The following FBXW8 variants were observed in gnomAD, a reference collection of about 807,000 sequenced individuals.
FBXW8 encodes F-box/WD repeat-containing protein 8.
FBXW8 carries 57 observed loss-of-function variants against 65.3 expected under a neutral mutation model. The observed-to-expected ratio is 0.87, with a 90% CI of 0.71 to 1.09. The LOEUF (loss-of-function observed/expected upper bound fraction) is 1.09, where lower values mean the gene tolerates loss of function less well. FBXW8 is among the 50% of genes least tolerant of loss of function. The probability of loss-of-function intolerance (pLI) is 0.00; values close to 1 mark genes in which losing one functional copy is unlikely to be tolerated. For synonymous variants in FBXW8, 308 were observed against 330.2 expected (o/e 0.93, Z 0.73); for missense variants, 777 against 814.8 (o/e 0.95, Z 0.57).
chr12:116,919,312 G>A (rs977168803), intron 1 of FBXW8, among the ~76,000 whole-genome samples: 2 of 152,146 alleles, frequency 1.3e-5, no homozygotes, highest in African/African-American at 2.4e-5. Flanking sequence ...TTGGCTATGG[G>A]GCTGGGCTCT....
intron 8 of FBXW8, among the ~76,000 whole-genome samples, chr12:117,021,054 G>A (rs7308734): frequency 0.33 from 49,782 of 151,966 alleles, 12,823 homozygotes; most frequent in African/African-American, 0.72. Flanking sequence ...TCACTCCCCA[G>A]AGAAGGATTT....
Position 116,912,157 on chromosome 12 carries a change from C to CT in FBXW8, c.318+812dup, listed in dbSNP as rs1169171773. On this transcript the variant is annotated intron_variant, in intron 1 of 10. Coordinates refer to ENST00000652555, the MANE Select transcript of FBXW8 (RefSeq NM_153348.3). ...CTACAGCTTTACAATTGGGAACCCA[C>CT]TTTTTTTTTTCCTGTTTTTTTTTTT... is the stretch of plus-strand genomic sequence containing the variant. Among the ~76,000 whole-genome samples, 499 of 137,738 alleles carry CT rather than the reference C, an allele frequency of 3.6e-3. 2 individuals are homozygous for CT. The highest frequency in any genetic ancestry group is 0.012 in the African/African-American group (462 of 38,530). 90.4% of individuals were successfully genotyped at this position (137,738 alleles called of 152,430 possible).
intron 1 of FBXW8, among the ~76,000 whole-genome samples, chr12:116,925,859 A>G (rs1038715677): frequency 6.6e-5 from 10 of 152,190 alleles, no homozygotes. Context: ...GAAAGCACAG[A>G]TGCACTTAGC....
At chr12:116,960,824 C>T (rs1294112163) in intron 4 of FBXW8, among the ~76,000 whole-genome samples, 1 of 152,124 alleles carries the variant, frequency 6.6e-6, no homozygotes, top group African/African-American at 2.4e-5. Flanking sequence ...ACGATCAATG[C>T]ATAAGGACTG....
intron 1 of FBXW8, among the ~76,000 whole-genome samples, chr12:116,917,719 A>G (rs1230057652): frequency 6.6e-6 from 1 of 152,074 alleles, no homozygotes; most frequent in Non-Finnish European, 1.5e-5. Context: ...CTCACTGGGC[A>G]TGGTGGCTTA....
chr12:117,001,292 C>T (rs1012404558), intron 7 of FBXW8, among the ~76,000 whole-genome samples: 6 of 152,180 alleles, frequency 3.9e-5, no homozygotes, highest in South Asian at 2.1e-4. Context: ...TTATTCGCTG[C>T]GGCTTCCCAG....
intron 7 of FBXW8, among the ~76,000 whole-genome samples, chr12:117,000,149 T>A (rs572323691): frequency 3.3e-5 from 5 of 152,252 alleles, no homozygotes; most frequent in African/African-American, 1.2e-4. Flanking sequence ...GCCTGCCTTT[T>A]GTATTTTTAG....
chr12:116,912,908 A>G (rs1880107104), intron 1 of FBXW8, among the ~76,000 whole-genome samples: 1 of 152,238 alleles, frequency 6.6e-6, no homozygotes, highest in Non-Finnish European at 1.5e-5. Flanking sequence ...TAATTCGAAT[A>G]TAACAATCCT....
intron 8 of FBXW8, among the ~76,000 whole-genome samples, chr12:117,016,749 G>A (rs922817841): frequency 3.3e-5 from 5 of 151,972 alleles, no homozygotes; most frequent in South Asian, 2.1e-4. Context: ...TCTTCAAAGG[G>A]TTTTATAGTT....
At position 116,911,111 on chromosome 12, in the gene FBXW8, A is replaced by AGCGGCGACGGCCCGAGGCTGCCGAGAG. The variant is rs1438790014; in HGVS notation, c.79_105dup (p.Arg27_Arg35dup). On this transcript the variant is annotated inframe_insertion, in exon 1 of 11. Transcript: ENST00000652555. ...CTGGCGCAGGCCCAGGCGCCGAAGA[A>AGCGGCGACGGCCCGAGGCTGCCGAGAG]GCGGCGACGGCCCGAGGCTGCCGAG... The AGCGGCGACGGCCCGAGGCTGCCGAGAG allele has an allele frequency of 1.0e-4, 146 of 1,393,512 alleles. No individual in the cohort carries two copies. The African/African-American group carries it at 2.1e-3, about 20-fold the overall frequency. 86.3% of individuals were successfully genotyped at this position (1,393,512 alleles called of 1,614,324 possible). A position where few individuals can be genotyped will look rare whatever the true frequency, so the allele number is the denominator to read the frequency against.
intron 3 of FBXW8, among the ~76,000 whole-genome samples, chr12:116,947,742 A>AC (rs1454492996): frequency 1.4e-3 from 194 of 136,552 alleles, no homozygotes; most frequent in Non-Finnish European, 2.5e-3. Flanking sequence ...GTCTCAAAAA[A>AC]AAAAAAAAAA....
chr12:117,007,189 T>G (rs540727501), intron 7 of FBXW8, among the ~76,000 whole-genome samples: 3 of 152,192 alleles, frequency 2.0e-5, no homozygotes, highest in African/African-American at 7.2e-5. Flanking sequence ...TTCAGATACA[T>G]CAGAATCATT....
At chr12:116,939,262 T>C (rs1882393973) in intron 2 of FBXW8, among the ~76,000 whole-genome samples, 1 of 152,094 alleles carries the variant, frequency 6.6e-6, no homozygotes, top group Non-Finnish European at 1.5e-5. Flanking sequence ...GGATTTTGGA[T>C]TTGGGGATTT....
intron 4 of FBXW8, among the ~76,000 whole-genome samples, chr12:116,952,652 T>C (rs1883363194): frequency 6.6e-6 from 1 of 152,242 alleles, no homozygotes; most frequent in Non-Finnish European, 1.5e-5. Context: ...TATATTATTA[T>C]TTTACTTAGA....
chr12:116,945,345 G>GC lies in FBXW8; in HGVS notation c.424-19_424-18insC. On this transcript the variant is annotated intron_variant, in intron 2 of 10. Coordinates refer to ENST00000652555, the MANE Select transcript of FBXW8 (RefSeq NM_153348.3). ...TCTAATTGCAGAATTTGACATTTGT[G>GC]TCACTTCTGCTGTTTTAGGTGAGCA... 1 of 1,594,566 alleles carries GC rather than the reference G, an allele frequency of 6.3e-7. No homozygotes were observed. The highest frequency in any genetic ancestry group is 8.6e-7 in the Non-Finnish European group (1 of 1,167,316).
At chr12:117,025,229 TC>T (rs930300336) in intron 9 of FBXW8, among the ~76,000 whole-genome samples, 38 of 152,166 alleles carry the variant, frequency 2.5e-4, no homozygotes, top group Non-Finnish European at 4.3e-4. Context: ...TCACCTGTAA[TC>T]CCAGCTACTC....
chr12:116,985,485 A>C, intron 6 of FBXW8, 83 bp downstream of exon 6: 1 of 1,318,314 alleles, frequency 7.6e-7, no homozygotes, highest in Non-Finnish European at 1.0e-6. Context: ...GGTGTTGGTA[A>C]CTCCCATTCA....
At chr12:116,991,302 A>G (rs773058092) in intron 7 of FBXW8, among the ~76,000 whole-genome samples, 2 of 152,236 alleles carry the variant, frequency 1.3e-5, no homozygotes, top group Non-Finnish European at 2.9e-5. Context: ...TACAGAGACA[A>G]GACTTTCCAT....
At chr12:116,983,593 A>G (rs554278417) in intron 5 of FBXW8, among the ~76,000 whole-genome samples, 1 of 152,348 alleles carries the variant, frequency 6.6e-6, no homozygotes, top group South Asian at 2.1e-4. Flanking sequence ...CAAAGCATTT[A>G]TAGTTTAAAG....
Sources: allele counts gnomAD v4.1 joint callset (sites outside exome capture counted in the v4.1 genomes callset), GRCh38; gene constraint gnomAD v4.1.1; transcripts MANE v1.5; gene names NCBI Gene and HGNC (gene_info 2026-07-23, HGNC 2026-07-21).